LMTK2: variants seen among roughly 807,000 people sequenced by gnomAD.
The protein encoded by LMTK2 is serine/threonine-protein kinase LMTK2.
LMTK2 carries 37 observed loss-of-function variants against 127.5 expected under a neutral mutation model. The ratio of observed to expected loss-of-function variants is 0.29; its 90% CI spans 0.22 to 0.38. The LOEUF is 0.38. Among genes scored for constraint, LMTK2 ranks in the 10% least tolerant of loss-of-function variants. LMTK2 has a pLI of 1.00. For missense variants in LMTK2, 1,694 were observed against 1,920.3 expected (o/e 0.88, Z 2.20); for synonymous variants, 819 against 810.1 (o/e 1.01, Z -0.19).
chr7:98,162,664 G>A (rs1010451690), intron 6 of LMTK2, among the ~76,000 whole-genome samples: 2 of 152,130 alleles, frequency 1.3e-5, no homozygotes, highest in East Asian at 1.9e-4. Flanking sequence ...TAATTTAAGC[G>A]TCCCACCTAA....
At chr7:98,162,756 G>T (rs987679354) in intron 6 of LMTK2, among the ~76,000 whole-genome samples, 6 of 152,198 alleles carry the variant, frequency 3.9e-5, no homozygotes, top group Non-Finnish European at 8.8e-5. Flanking sequence ...GATCCAGCTA[G>T]TTCCACTTCT....
rs752434116 is a variant in LMTK2 at position 98,193,763 on chromosome 7, T to C, written c.3298T>C (p.Tyr1100His). ...GTTCACAGCTGGCTCCCAGGGTTCA[T>C]ACCGAGACTCTGCGTACTTCTCAGA... ...ETFTAGSQGSYRDSAYFSDND... is the reference protein window; with the variant it reads ...ETFTAGSQGSHRDSAYFSDND... Residue 1100 changes from tyrosine to histidine, a missense_variant, in exon 11 of 14, where the codon TAC becomes CAC. Physicochemically the swap from Tyr to His is moderately conservative, Grantham distance 83 (BLOSUM62 2). Coordinates refer to ENST00000297293, the MANE Select transcript of LMTK2 (RefSeq NM_014916.4). This position sits in a 1 kb window ranked among gnomAD's most constrained non-coding sequence, Gnocchi z 4.1. 1.3e-5 allele frequency: 21 copies of C among 1,613,784 alleles called. No homozygotes were observed. The East Asian group carries it at 4.7e-4, about 36-fold the overall frequency.
chr7:98,107,517 C>T (rs1258858781), intron 1 of LMTK2, among the ~76,000 whole-genome samples: 3 of 152,188 alleles, frequency 2.0e-5, no homozygotes, highest in Non-Finnish European at 4.4e-5. Context: ...AGCCACCGAC[C>T]CCTCCCGGGA....
At chr7:98,129,647 T>C (rs904069142) in intron 1 of LMTK2, among the ~76,000 whole-genome samples, 2 of 152,224 alleles carry the variant, frequency 1.3e-5, no homozygotes, top group African/African-American at 4.8e-5. Flanking sequence ...ATTACAGGCG[T>C]GAGCCACTGT....
chr7:98,189,433 G>A (rs189797787), intron 9 of LMTK2, among the ~76,000 whole-genome samples: 33 of 152,166 alleles, frequency 2.2e-4, no homozygotes, highest in Admixed American at 3.9e-4. Context: ...TTGTTGTTTG[G>A]GGCGTGTCGT....
intron 1 of LMTK2, among the ~76,000 whole-genome samples, chr7:98,127,805 C>T (rs1311666551): frequency 6.6e-6 from 1 of 152,178 alleles, no homozygotes; most frequent in Non-Finnish European, 1.5e-5. Context: ...ATCAGAGCGT[C>T]ACACATACGC....
At chr7:98,110,586 T>C (rs1232572184) in intron 1 of LMTK2, among the ~76,000 whole-genome samples, 1 of 152,254 alleles carries the variant, frequency 6.6e-6, no homozygotes, top group Non-Finnish European at 1.5e-5. Flanking sequence ...ATCAGATCAT[T>C]CTTCTCTTAG....
intron 11 of LMTK2, among the ~76,000 whole-genome samples, chr7:98,197,450 G>A (rs1293972879): frequency 1.3e-5 from 2 of 152,212 alleles, no homozygotes; most frequent in East Asian, 1.9e-4. Flanking sequence ...TAGCACTTGC[G>A]ATGTCCTTCC....
chr7:98,135,904 A>C (rs1796588239), intron 1 of LMTK2, among the ~76,000 whole-genome samples: 1 of 151,636 alleles, frequency 6.6e-6, no homozygotes, highest in Non-Finnish European at 1.5e-5. Flanking sequence ...TGTAGAAATC[A>C]TTCTTTGCTG....
intron 4 of LMTK2, among the ~76,000 whole-genome samples, chr7:98,153,758 C>T (rs547842698): frequency 1.7e-4 from 26 of 151,970 alleles, no homozygotes; most frequent in Non-Finnish European, 2.8e-4. Context: ...CCCAGCTACA[C>T]GGAAGGCTGA....
At chr7:98,122,601 T>C (rs1796378346) in intron 1 of LMTK2, among the ~76,000 whole-genome samples, 1 of 151,984 alleles carries the variant, frequency 6.6e-6, no homozygotes, top group African/African-American at 2.4e-5. Context: ...CTCACTTATG[T>C]CCTCTTTGTC....
At chr7:98,191,306 C>G (rs1021515065) in intron 10 of LMTK2, among the ~76,000 whole-genome samples, 3 of 152,120 alleles carry the variant, frequency 2.0e-5, no homozygotes, top group African/African-American at 7.2e-5. Flanking sequence ...GTAATCCCAG[C>G]ACTTTGGGAG....
At chr7:98,112,721 G>A (rs1446711970) in intron 1 of LMTK2, among the ~76,000 whole-genome samples, 1 of 152,120 alleles carries the variant, frequency 6.6e-6, no homozygotes, top group Non-Finnish European at 1.5e-5. Flanking sequence ...CCAAATCTAG[G>A]CCCATTACAA....
chr7:98,118,041 T>C (rs1796312216), intron 1 of LMTK2, among the ~76,000 whole-genome samples: 1 of 152,162 alleles, frequency 6.6e-6, no homozygotes. Context: ...TTTTAATAGA[T>C]TTTTGATCCT....
intron 5 of LMTK2, among the ~76,000 whole-genome samples, chr7:98,157,348 A>G (rs1277535046): frequency 6.6e-6 from 1 of 152,058 alleles, no homozygotes; most frequent in African/African-American, 2.4e-5. Context: ...TAATTTCATC[A>G]AAAAACACCC....
At chr7:98,144,737 A>G (rs1336058227) in intron 3 of LMTK2, among the ~76,000 whole-genome samples, 1 of 148,574 alleles carries the variant, frequency 6.7e-6, no homozygotes, top group Non-Finnish European at 1.5e-5. Context: ...ACACACATGC[A>G]TAGTCCTCCT....
At chr7:98,177,606 A>G (rs797009598) in intron 7 of LMTK2, among the ~76,000 whole-genome samples, 12 of 152,332 alleles carry the variant, frequency 7.9e-5, no homozygotes, top group African/African-American at 2.9e-4. Context: ...AGGCTCAAGC[A>G]ATCCTCTTGT....
rs1427591481 is a variant in LMTK2, at chr7:98,141,518, C to A, written c.353C>A (p.Pro118His). Reference sequence around the variant, plus strand: ...GTACCAAATATTTCACTCCCAGCTCCCTCGCAATTCCAGCCTTCTGTAGGT... The same window carrying A: ...GTACCAAATATTTCACTCCCAGCTCACTCGCAATTCCAGCCTTCTGTAGGT... ...LSVPNISLPA[P>H]SQFQPSVEGL... Residue 118 changes from proline to histidine, a missense_variant, in exon 3 of 14, where the codon CCC becomes CAC. Around this residue, in one of 8 missense-constraint regions of LMTK2, gnomAD observed 203 missense variants for 226.2 expected, o/e 0.90. Transcript: ENST00000297293. 1.2e-6 allele frequency: 2 copies of A among 1,614,108 alleles called. No individual in the cohort carries two copies. Among genetic ancestry groups the A allele is most frequent in the Non-Finnish European group, 1.7e-6 (2 of 1,179,972 alleles).
At chr7:98,133,995 A>G (rs1194348315) in intron 1 of LMTK2, among the ~76,000 whole-genome samples, 1 of 152,226 alleles carries the variant, frequency 6.6e-6, no homozygotes, top group African/African-American at 2.4e-5. Flanking sequence ...CTAATTAATG[A>G]CAGACTTGGG....
Sources: allele counts gnomAD v4.1 joint callset (sites outside exome capture counted in the v4.1 genomes callset), GRCh38; gene constraint gnomAD v4.1.1; regional missense constraint gnomAD v4.1.1; non-coding constraint Gnocchi (gnomAD v3.1); transcripts MANE v1.5; gene names NCBI Gene and HGNC (gene_info 2026-07-23, HGNC 2026-07-21).